Variants in PTPRD observed in about 807,000 individuals in gnomAD.
The protein encoded by PTPRD is protein tyrosine phosphatase receptor type D.
A neutral mutation model predicts 214.5 loss-of-function variants in PTPRD; 34 were observed. That is an observed-to-expected ratio of 0.16 (90% CI 0.12 to 0.21). The LOEUF (loss-of-function observed/expected upper bound fraction) is 0.21, where lower values mean the gene tolerates loss of function less well. PTPRD is among the 10% of genes least tolerant of loss of function. PTPRD has a pLI of 1.00. For synonymous variants in PTPRD, 1,128 were observed against 845.7 expected (o/e 1.33, Z -5.79); for missense variants, 2,545 against 2,398.7 (o/e 1.06, Z -1.27).
intron 3 of PTPRD, among the ~76,000 whole-genome samples, chr9:10,236,822 C>T (rs536021932): frequency 6.6e-5 from 10 of 151,870 alleles, no homozygotes; most frequent in African/African-American, 2.4e-4. Context: ...AATCCAGTAA[C>T]TATGTACAAT....
intron 9 of PTPRD, among the ~76,000 whole-genome samples, chr9:9,241,487 G>T (rs1251624045): frequency 6.6e-6 from 1 of 152,048 alleles, no homozygotes; most frequent in Non-Finnish European, 1.5e-5. Flanking sequence ...ACAACTTTGA[G>T]AAACTAAGGT....
At chr9:10,598,800 T>C (rs78606609) in intron 2 of PTPRD, among the ~76,000 whole-genome samples, 4,448 of 150,604 alleles carry the variant, frequency 0.03, 126 homozygotes, top group East Asian at 0.087. Context: ...AATATCTGAA[T>C]CACCTATTAC....
intron 8 of PTPRD, among the ~76,000 whole-genome samples, chr9:9,480,209 G>T (rs938281181): frequency 1.3e-5 from 2 of 152,148 alleles, no homozygotes; most frequent in Non-Finnish European, 2.9e-5. Flanking sequence ...ATTCCACTGA[G>T]GTGAAGGAGA....
chr9:9,979,413 T>C (rs1317752572), intron 4 of PTPRD, among the ~76,000 whole-genome samples: 3 of 151,976 alleles, frequency 2.0e-5, no homozygotes, highest in Non-Finnish European at 2.9e-5. Context: ...TATACAAAAA[T>C]TGAATAGTGG....
At chr9:9,310,054 G>T (rs1008183032) in intron 9 of PTPRD, among the ~76,000 whole-genome samples, 2 of 152,060 alleles carry the variant, frequency 1.3e-5, no homozygotes, top group African/African-American at 4.8e-5. Context: ...AATTGAATGG[G>T]AAAATAAAAT....
intron 11 of PTPRD, among the ~76,000 whole-genome samples, chr9:8,899,853 G>T (rs920021840): frequency 1.3e-5 from 2 of 152,156 alleles, no homozygotes; most frequent in Non-Finnish European, 2.9e-5. Flanking sequence ...AGTTCATCCG[G>T]TTAAAATCTA....
In PTPRD at chr9:10,452,746, G is replaced by A. The variant is rs140562034; in HGVS notation, c.-599-111729C>T. On this transcript the variant is annotated intron_variant, in intron 2 of 45. Transcript: ENST00000381196. ...GATTTTGCCTCATGTCAGATACATG[G>A]TTTGCAATTATTTTTTCTTATAACA... Among the ~76,000 whole-genome samples the A allele has an allele frequency of 3.3e-3, 507 of 151,856 alleles. 1 individual carries two copies. The highest frequency in any genetic ancestry group is 0.01 in the Middle Eastern group (3 of 294).
intron 5 of PTPRD, among the ~76,000 whole-genome samples, chr9:9,838,659 A>G (rs1255550750): frequency 6.6e-6 from 1 of 152,036 alleles, no homozygotes; most frequent in Non-Finnish European, 1.5e-5. Flanking sequence ...TAGATTCTGG[A>G]TATTAGCCCT....
chr9:10,485,374 A>G (rs2099125961), intron 2 of PTPRD, among the ~76,000 whole-genome samples: 1 of 151,952 alleles, frequency 6.6e-6, no homozygotes, highest in Non-Finnish European at 1.5e-5. Flanking sequence ...TAACTTTGAG[A>G]ATTTTTTTCT....
At position 9,938,582 on chromosome 9, in the gene PTPRD, C is replaced by G. The variant is rs746502091; in HGVS notation, c.-443G>C. The G allele has an allele frequency of 1.3e-5, 2 of 152,008 alleles. No homozygotes were observed. The highest frequency in any genetic ancestry group is 2.9e-5 in the Non-Finnish European group (2 of 68,014). The allele number at this position is 152,008 out of a possible 1,614,324, so 9.4% of individuals were successfully genotyped here. ...ACACCTCTAACTGGAATATCACGGG[C>G]CAGGAACTGCTTGCCTTTTATTTTC... On this transcript the variant is annotated 5_prime_UTR_variant, in exon 5 of 46. Transcript: ENST00000381196.
chr9:9,828,721 T>C, intron 5 of PTPRD, among the ~76,000 whole-genome samples: 1 of 151,910 alleles, frequency 6.6e-6, no homozygotes, highest in East Asian at 1.9e-4. Flanking sequence ...AGGATTTTTT[T>C]TTTTTTTACT....
At chr9:8,727,298 T>G (rs1053667048) in intron 12 of PTPRD, among the ~76,000 whole-genome samples, 1 of 152,204 alleles carries the variant, frequency 6.6e-6, no homozygotes, top group African/African-American at 2.4e-5. Context: ...AGAGTCTTAA[T>G]CTTACTAGGT....
At chr9:9,670,825 T>C (rs531780669) in intron 7 of PTPRD, among the ~76,000 whole-genome samples, 21 of 152,176 alleles carry the variant, frequency 1.4e-4, no homozygotes, top group East Asian at 5.8e-4. Context: ...AGAAGATATA[T>C]GGAAATGCCT....
intron 2 of PTPRD, among the ~76,000 whole-genome samples, chr9:10,518,231 T>C (rs2757864): frequency 0.26 from 39,077 of 151,968 alleles, 6,011 homozygotes; most frequent in Non-Finnish European, 0.35. Context: ...TTTTAAATGG[T>C]TCAATATCTT....
intron 2 of PTPRD, among the ~76,000 whole-genome samples, chr9:10,556,737 G>A (rs2062693833): frequency 6.6e-6 from 1 of 152,076 alleles, no homozygotes; most frequent in African/African-American, 2.4e-5. Context: ...GGTGTGGGCA[G>A]ATAAATGGAT....
intron 11 of PTPRD, among the ~76,000 whole-genome samples, chr9:8,954,444 C>T (rs183012928): frequency 6.6e-6 from 1 of 151,276 alleles, no homozygotes; most frequent in African/African-American, 2.4e-5. Flanking sequence ...TTCAGCATCA[C>T]AAAATATACC....
intron 3 of PTPRD, among the ~76,000 whole-genome samples, chr9:10,281,062 A>C (rs10511538): frequency 0.12 from 18,543 of 152,134 alleles, 1,228 homozygotes; most frequent in African/African-American, 0.15. Context: ...TGATACTCTA[A>C]TTTTCCCAAG....
intron 11 of PTPRD, among the ~76,000 whole-genome samples, chr9:9,004,642 T>C (rs2154357537): frequency 6.6e-6 from 1 of 152,196 alleles, no homozygotes; most frequent in South Asian, 2.1e-4. Context: ...TAATTTATGT[T>C]TGGATGATAT....
At chr9:10,162,862 A>G (rs891203949) in intron 3 of PTPRD, among the ~76,000 whole-genome samples, 2 of 150,294 alleles carry the variant, frequency 1.3e-5, no homozygotes, top group Admixed American at 6.7e-5. Flanking sequence ...TGATTTTGTC[A>G]CATGCATATT....
Sources: gnomAD v4.1 joint callset for allele counts (sites outside exome capture counted in the v4.1 genomes callset) on GRCh38, gnomAD v4.1.1 for gene constraint, MANE v1.5 for transcripts, NCBI Gene and HGNC (gene_info 2026-07-23, HGNC 2026-07-21) for gene names.